The following ZNF558 variants were observed in gnomAD, a reference collection of about 807,000 sequenced individuals.
ZNF558 encodes zinc finger protein 558.
A neutral mutation model predicts 37.6 loss-of-function variants in ZNF558; 23 were observed. The observed-to-expected ratio is 0.61, with a 90% CI of 0.44 to 0.87. ZNF558 has a LOEUF of 0.87. Ranked by LOEUF, ZNF558 falls within the 40% of genes least tolerant of loss-of-function variation. The pLI is 0.00. For missense variants in ZNF558, 429 were observed against 483.7 expected (o/e 0.89, Z 1.06); for synonymous variants, 189 against 174.4 (o/e 1.08, Z -0.66).
intron 2 of ZNF558, among the ~76,000 whole-genome samples, chr19:8,830,221 C>T (rs936652161): frequency 6.6e-6 from 1 of 152,146 alleles, no homozygotes; most frequent in African/African-American, 2.4e-5. Flanking sequence ...CGTAAGTTTC[C>T]TGAGGCCTCC....
intron 2 of ZNF558, chr19:8,830,895 A>G (rs1306688405): frequency 6.6e-6 from 1 of 151,176 alleles, no homozygotes; most frequent in Non-Finnish European, 1.5e-5. Context: ...ACTTGGTCTC[A>G]AGAAAAAAAA....
intron 1 of ZNF558, among the ~76,000 whole-genome samples, chr19:8,831,647 G>A (rs1457374345): frequency 3.3e-5 from 5 of 152,200 alleles, no homozygotes; most frequent in African/African-American, 1.2e-4. Flanking sequence ...AACTTACTAC[G>A]CTGGAGAGAG....
rs75832513 is a variant in ZNF558, at chr19:8,829,487, T to C, written c.-509+1831A>G. Among the ~76,000 whole-genome samples the C allele has an allele frequency of 5.1e-4, 78 of 152,334 alleles. 1 individual carries two copies. In the East Asian group the frequency reaches 9.1e-3, roughly 18 times the overall value. On this transcript the variant is annotated intron_variant, in intron 2 of 9. Transcript: ENST00000601372. ...AATATCCTTCCCAAGAAAGCTTCCC[T>C]GTTCCCTCTGATCAAGTTCACTAGT...
chr19:8,811,577 A>G lies in ZNF558; in HGVS notation c.913T>C (p.Ser305Pro), dbSNP rs782222629. The change falls in exon 10 of 10, where the codon TCC (serine) becomes CCC (proline). Residue 305 changes from serine (S) to proline (P), a missense_variant. By Grantham distance (74) the Ser-to-Pro change is moderately conservative. Transcript: ENST00000601372. ...GTTCTTACGTGCTGTGTCAGATAGG[A>G]GCTCTTCCTGAAGGTTTTCCCACAA... ...HDCGKTFRKS[S>P]YLTQHVRTHT... The G allele has an allele frequency of 4.3e-6, 7 of 1,614,088 alleles. No individual in the cohort carries two copies. In the South Asian group the frequency reaches 7.7e-5, roughly 18 times the overall value.
intron 7 of ZNF558, among the ~76,000 whole-genome samples, chr19:8,815,767 C>T (rs2043920060): frequency 6.6e-6 from 1 of 151,122 alleles, no homozygotes; most frequent in South Asian, 2.1e-4. Flanking sequence ...GCCTAGGTGA[C>T]AGAGTGAGTG....
rs544611520 is a variant in ZNF558 at position 8,810,907 on chromosome 19, A to C, written c.*374T>G. 1 of 173,688 alleles carries C rather than the reference A, an allele frequency of 5.8e-6. No individual in the cohort carries two copies. The highest frequency in any genetic ancestry group is 1.2e-5 in the Non-Finnish European group (1 of 81,498). The allele number at this position is 173,688 out of a possible 1,614,324, so 10.8% of individuals were successfully genotyped here. ...ATTGTCAAGGAGCTGGGCCTTGTAA[A>C]GAGGCCTACATGGTAATGACTGAAG... On this transcript the variant is annotated 3_prime_UTR_variant, in exon 10 of 10. Transcript: ENST00000601372.
rs772868864 is a variant in ZNF558 at position 8,822,101 on chromosome 19, G to A, written c.32-10C>T. On this transcript the variant is annotated splice_polypyrimidine_tract_variant and intron_variant, in intron 5 of 9. Coordinates refer to ENST00000601372, the MANE Select transcript of ZNF558 (RefSeq NM_144693.3). This position sits in a 1 kb window ranked among gnomAD's most constrained non-coding sequence, Gnocchi z 4.4. ...AACAGGGAAGACGGAGCTGGAGGAG[G>A]AGAAATGAGTCCCATGGATTCAGGC... 6 of 1,613,914 alleles carry A rather than the reference G, an allele frequency of 3.7e-6. No individual in the cohort carries two copies. The South Asian group carries it at 5.5e-5, about 15-fold the overall frequency.
upstream of ZNF558, among the ~76,000 whole-genome samples, chr19:8,835,552 A>C (rs2044446447): frequency 6.6e-6 from 1 of 152,210 alleles, no homozygotes; most frequent in Non-Finnish European, 1.5e-5. Context: ...AGACAAGGAG[A>C]AATTGGAATT....
At chr19:8,821,625 T>C in intron 6 of ZNF558, 2 of 1,329,826 alleles carry the variant, frequency 1.5e-6, no homozygotes, top group Non-Finnish European at 1.9e-6. Context: ...TGTGATCTTA[T>C]TTCCCTCAAT....
At position 8,824,374 on chromosome 19, in the gene ZNF558, C is replaced by T. The variant is rs929005518; in HGVS notation, c.-358G>A. ...TGCAGACCCAGCTGACAGCCTTCTG[C>T]AAGTTTCCAGCCAGAGCCTTCCAGC... On this transcript the variant is annotated 5_prime_UTR_variant, in exon 4 of 10. Coordinates refer to ENST00000601372, the MANE Select transcript of ZNF558 (RefSeq NM_144693.3). 6.6e-6 allele frequency: 1 copy of T among 152,272 alleles called. No homozygotes were observed. The highest frequency in any genetic ancestry group is 2.1e-4 in the South Asian group (1 of 4,830). The allele number at this position is 152,272 out of a possible 1,614,324, so 9.4% of individuals were successfully genotyped here.
At chr19:8,821,630 C>T in intron 6 of ZNF558, 1 of 1,326,026 alleles carries the variant, frequency 7.5e-7, no homozygotes, top group South Asian at 1.8e-5. Context: ...TCTTATTTCC[C>T]TCAATCTCCA....
Position 8,822,135 on chromosome 19 carries a change from C to A in ZNF558, c.32-44G>T. ...GTCCCATGGATTCAGGCTTGTCTGACACCCACAGATCTGCCCCTGATTGAC... is the reference window on the plus strand; with the variant it reads ...GTCCCATGGATTCAGGCTTGTCTGAAACCCACAGATCTGCCCCTGATTGAC... On this transcript the variant is annotated intron_variant, in intron 5 of 9. Coordinates refer to ENST00000601372, the MANE Select transcript of ZNF558 (RefSeq NM_144693.3). This position sits in a 1 kb window ranked among gnomAD's most constrained non-coding sequence, Gnocchi z 4.4. The A allele has an allele frequency of 6.2e-7, 1 of 1,611,172 alleles. No homozygotes were observed. Among genetic ancestry groups the A allele is most frequent in the Admixed American group, 1.7e-5 (1 of 59,878 alleles).
In ZNF558 at chr19:8,807,190, C is replaced by T. The variant is rs932830024; in HGVS notation, c.*4091G>A. ...GGGGCTGGATGCTATCGCTGACTGA[C>T]CTCTCTCAGCTCCTGGAATGCAGCC... On this transcript the variant is annotated 3_prime_UTR_variant, in exon 10 of 10. Coordinates refer to ENST00000601372, the MANE Select transcript of ZNF558 (RefSeq NM_144693.3). 3.3e-5 allele frequency: 5 copies of T among 152,252 alleles called. No homozygotes were observed. Among genetic ancestry groups the T allele is most frequent in the African/African-American group, 9.7e-5 (4 of 41,444 alleles). The allele number at this position is 152,252 out of a possible 1,614,324, so 9.4% of individuals were successfully genotyped here. A position where few individuals can be genotyped will look rare whatever the true frequency, so the allele number is the denominator to read the frequency against.
rs2043725194 is a variant in ZNF558 at position 8,808,817 on chromosome 19, G to C, written c.*2464C>G. 6.6e-6 allele frequency: 1 copy of C among 152,126 alleles called. No homozygotes were observed. 9.4% of individuals were successfully genotyped at this position (152,126 alleles called of 1,614,324 possible). On this transcript the variant is annotated 3_prime_UTR_variant, in exon 10 of 10. Coordinates refer to ENST00000601372, the MANE Select transcript of ZNF558 (RefSeq NM_144693.3). The stretch of plus-strand genomic sequence containing the variant: ...TTATTTTGAGATGGAGTCTCGCTCT[G>C]TTGCCAGGCTGGAGTGCACTGGCGC...
chr19:8,836,025 G>A (rs1018306451), upstream of ZNF558, among the ~76,000 whole-genome samples: 2 of 152,172 alleles, frequency 1.3e-5, 1 homozygote, highest in African/African-American at 4.8e-5. Flanking sequence ...GGGGAAGTGG[G>A]TAATGGTATG....
chr19:8,817,562 T>A (rs2043970215), intron 7 of ZNF558, among the ~76,000 whole-genome samples: 1 of 152,140 alleles, frequency 6.6e-6, no homozygotes, highest in Non-Finnish European at 1.5e-5. Context: ...TGTTTTGCAT[T>A]TTTGACTTAT....
chr19:8,819,129 C>T (rs1001923333), intron 7 of ZNF558, among the ~76,000 whole-genome samples: 2 of 152,158 alleles, frequency 1.3e-5, no homozygotes, highest in Non-Finnish European at 2.9e-5. Context: ...TTAGGTATCA[C>T]ACCAAGAGCA....
Position 8,822,488 on chromosome 19 carries a change from C to T in ZNF558, c.31+141G>A, listed in dbSNP as rs188679486. The T allele has an allele frequency of 1.7e-5, 20 of 1,185,384 alleles. No homozygotes were observed. The highest frequency in any genetic ancestry group is 2.8e-5 in the South Asian group (2 of 70,804). The allele number at this position is 1,185,384 out of a possible 1,614,324, so 73.4% of individuals were successfully genotyped here. On this transcript the variant is annotated intron_variant, in intron 5 of 9. Transcript: ENST00000601372. This position sits in a 1 kb window ranked among gnomAD's most constrained non-coding sequence, Gnocchi z 4.4. ...TAAGTCCCAAATCCCGAGAGCTGCC[C>T]GATCAGACACGGAGGACCTCTGGGC... is the stretch of plus-strand genomic sequence containing the variant.
Position 8,813,849 on chromosome 19 carries a change from T to C in ZNF558, c.248-627A>G, listed in dbSNP as rs190662412. Among the ~76,000 whole-genome samples, 11 of 152,158 alleles carry C rather than the reference T, an allele frequency of 7.2e-5. No homozygotes were observed. In the East Asian group the frequency reaches 1.7e-3, roughly 24 times the overall value. On this transcript the variant is annotated intron_variant, in intron 7 of 9. Transcript: ENST00000601372. ...AAGAATATAAAGTCAGGACAAGAAATAGATCTTCAGTTCATAAGGCAGGAA... is the reference window on the plus strand; with the variant it reads ...AAGAATATAAAGTCAGGACAAGAAACAGATCTTCAGTTCATAAGGCAGGAA...
Sources: allele counts gnomAD v4.1 joint callset (sites outside exome capture counted in the v4.1 genomes callset), GRCh38; gene constraint gnomAD v4.1.1; non-coding constraint Gnocchi (gnomAD v3.1); transcripts MANE v1.5; gene names NCBI Gene and HGNC (gene_info 2026-07-23, HGNC 2026-07-21).